Variants in MUC7 observed in about 807,000 individuals in gnomAD.
MUC7 encodes mucin-7.
In MUC7, 2 loss-of-function variants were observed where a neutral mutation model predicts 2.5. That is an observed-to-expected ratio of 0.81 (90% confidence interval 0.33 to 2.55). MUC7 has a LOEUF of 2.55. MUC7 is among the 30% of genes most tolerant of loss of function. The pLI, the probability that MUC7 is intolerant of heterozygous loss-of-function variation, is 0.11. For missense variants in MUC7, 408 were observed against 455.6 expected (o/e 0.90, Z 0.95); for synonymous variants, 133 against 173.4 (o/e 0.77, Z 1.83).
chr4:70,452,982 T>A (rs886481059), intron 1 of MUC7, among the ~76,000 whole-genome samples: 7 of 152,206 alleles, frequency 4.6e-5, no homozygotes, highest in African/African-American at 1.7e-4. Flanking sequence ...GTTAAAAGTG[T>A]TTTCCTTCAG....
intron 1 of MUC7, among the ~76,000 whole-genome samples, chr4:70,455,042 T>C (rs979387140): frequency 1.3e-5 from 2 of 152,180 alleles, no homozygotes; most frequent in Non-Finnish European, 2.9e-5. Flanking sequence ...TTTTATATTT[T>C]TTTAGCATTC....
chr4:70,443,889 T>C (rs1304856941), intron 1 of MUC7, among the ~76,000 whole-genome samples: 2 of 152,190 alleles, frequency 1.3e-5, no homozygotes, highest in East Asian at 3.9e-4. Flanking sequence ...AGCTGGCTCA[T>C]ACAAACCTCA....
intron 1 of MUC7, among the ~76,000 whole-genome samples, chr4:70,459,172 T>C (rs2109724422): frequency 6.6e-6 from 1 of 152,262 alleles, no homozygotes; most frequent in South Asian, 2.1e-4. Context: ...CATTTAATAC[T>C]AATAGTTACC....
chr4:70,443,323 T>TA (rs34709517), intron 1 of MUC7, among the ~76,000 whole-genome samples: 98,950 of 148,538 alleles, frequency 0.67, 33,023 homozygotes, highest in Admixed American at 0.77. Context: ...GAATTTACCT[T>TA]AAAAAAAAAA....
intron 1 of MUC7, among the ~76,000 whole-genome samples, chr4:70,451,680 CAT>C (rs1371433762): frequency 4.6e-5 from 7 of 152,192 alleles, no homozygotes; most frequent in South Asian, 2.1e-4. Context: ...TGTGACCTAA[CAT>C]GTGGTATATT....
At chr4:70,443,709 AC>A (rs1734059660) in intron 1 of MUC7, among the ~76,000 whole-genome samples, 1 of 152,116 alleles carries the variant, frequency 6.6e-6, no homozygotes, top group South Asian at 2.1e-4. Context: ...AAATAAAACA[AC>A]CTACCCACTC....
chr4:70,459,504 A>T (rs181499848), intron 1 of MUC7, among the ~76,000 whole-genome samples: 8 of 152,280 alleles, frequency 5.3e-5, no homozygotes, highest in Admixed American at 5.2e-4. Context: ...TGGGTGCAGC[A>T]CACCAGCATG....
chr4:70,450,670 C>T (rs1734257618), intron 1 of MUC7, among the ~76,000 whole-genome samples: 5 of 152,108 alleles, frequency 3.3e-5, no homozygotes, highest in Admixed American at 3.3e-4. Flanking sequence ...GTGATAAATG[C>T]TGGCAGGACT....
intron 2 of MUC7, among the ~76,000 whole-genome samples, chr4:70,480,101 T>C (rs891943234): frequency 1.2e-4 from 18 of 152,316 alleles, no homozygotes; most frequent in African/African-American, 3.4e-4. Flanking sequence ...ATGAAAACCA[T>C]TGGTGCTCTA....
chr4:70,442,643 C>T (rs943414337), intron 1 of MUC7, among the ~76,000 whole-genome samples: 3 of 152,222 alleles, frequency 2.0e-5, no homozygotes, highest in Admixed American at 6.5e-5. Context: ...CTGGTGATTA[C>T]TCCTCTTGCC....
chr4:70,441,403 A>C (rs13103781), intron 1 of MUC7, among the ~76,000 whole-genome samples: 51,780 of 152,046 alleles, frequency 0.34, 9,838 homozygotes, highest in Admixed American at 0.45. Context: ...AAATACTTAT[A>C]ACTCATGCAG....
At chr4:70,459,836 T>A (rs1189253618) in intron 1 of MUC7, among the ~76,000 whole-genome samples, 2 of 152,172 alleles carry the variant, frequency 1.3e-5, no homozygotes, top group Non-Finnish European at 2.9e-5. Context: ...TGCCCCACAG[T>A]TACCCTGACA....
chr4:70,468,581 T>C (rs1734740483), upstream of MUC7, among the ~76,000 whole-genome samples: 1 of 152,264 alleles, frequency 6.6e-6, no homozygotes, highest in South Asian at 2.1e-4. Context: ...ACAAAATCAA[T>C]GGGCAAAAAT....
Position 70,481,561 on chromosome 4 carries a change from T to A in MUC7, c.817T>A (p.Ser273Thr), listed in dbSNP as rs1363849376. The A allele has an allele frequency of 1.9e-6, 3 of 1,607,578 alleles. No individual in the cohort carries two copies. Among genetic ancestry groups the A allele is most frequent in the Non-Finnish European group, 2.5e-6 (3 of 1,178,696 alleles). Residue 273 changes from serine (S) to threonine (T), a missense_variant, in exon 3 of 3, where the codon TCC becomes ACC. Transcript: ENST00000304887. ...TPSATTLDPS[S>T]ASAPPETTAA... ...TTCTGCAACTACCCTAGACCCATCA[T>A]CCGCCTCAGCTCCACCAGAGACCAC...
chr4:70,443,683 G>A (rs1165117986), intron 1 of MUC7, among the ~76,000 whole-genome samples: 4 of 152,024 alleles, frequency 2.6e-5, no homozygotes, highest in African/African-American at 7.3e-5. Context: ...AAGAAGATGT[G>A]GTACAAAAAT....
rs1436917894 is a variant in MUC7, at chr4:70,482,002, A to G, written c.*124A>G. ...TATTACTCAGATTTAAAGCACTATC[A>G]TTAATCTTTCAATCTAATTATTCAC... On this transcript the variant is annotated 3_prime_UTR_variant, in exon 3 of 3. Coordinates refer to ENST00000304887, the MANE Select transcript of MUC7 (RefSeq NM_152291.3). 4 of 1,183,454 alleles carry G rather than the reference A, an allele frequency of 3.4e-6. No homozygotes were observed. In the African/African-American group the frequency reaches 6.2e-5, roughly 18 times the overall value. 73.3% of individuals were successfully genotyped at this position (1,183,454 alleles called of 1,614,324 possible). A position where few individuals can be genotyped will look rare whatever the true frequency, so the allele number is the denominator to read the frequency against.
chr4:70,459,305 T>C (rs947445478), intron 1 of MUC7, among the ~76,000 whole-genome samples: 1 of 152,096 alleles, frequency 6.6e-6, no homozygotes. Flanking sequence ...TTGGAAAACA[T>C]CATTCTCAGT....
At chr4:70,459,037 A>G (rs1413259958) in intron 1 of MUC7, among the ~76,000 whole-genome samples, 1 of 152,218 alleles carries the variant, frequency 6.6e-6, no homozygotes, top group Non-Finnish European at 1.5e-5. Context: ...AATATAAAGC[A>G]GTATTATAAA....
At chr4:70,437,458 C>T (rs764428863) in intron 1 of MUC7, among the ~76,000 whole-genome samples, 8 of 152,352 alleles carry the variant, frequency 5.3e-5, no homozygotes, top group African/African-American at 1.4e-4. Context: ...CACGCTGTAG[C>T]GTCCCAGGTC....
Sources: allele counts gnomAD v4.1 joint callset (sites outside exome capture counted in the v4.1 genomes callset), GRCh38; gene constraint gnomAD v4.1.1; transcripts MANE v1.5; gene names NCBI Gene and HGNC (gene_info 2026-07-23, HGNC 2026-07-21).